CRACDL: variants seen among roughly 807,000 people sequenced by gnomAD.
CRACDL encodes the protein CRACD-like protein.
In CRACDL, 26 loss-of-function variants were observed where a neutral mutation model predicts 70.6. The observed-to-expected ratio is 0.37, with a 90% CI of 0.27 to 0.51. The LOEUF is 0.51. CRACDL is among the 20% of genes least tolerant of loss of function. The pLI is 0.94. For synonymous variants in CRACDL, 618 were observed against 615.2 expected (o/e 1.00, Z -0.07); for missense variants, 1,283 against 1,376.9 (o/e 0.93, Z 1.08).
At chr2:98,849,387 G>A (rs561012478) in intron 1 of CRACDL, among the ~76,000 whole-genome samples, 87 of 152,338 alleles carry the variant, frequency 5.7e-4, no homozygotes, top group Non-Finnish European at 1.1e-3. Context: ...GAAGAACAAG[G>A]TGAGTGCCAG....
chr2:98,854,359 T>C (rs1559235740), intron 1 of CRACDL, among the ~76,000 whole-genome samples: 1 of 136,624 alleles, frequency 7.3e-6, no homozygotes, highest in African/African-American at 2.7e-5. Flanking sequence ...AAATATTAAA[T>C]AAAAAATATA....
intron 7 of CRACDL, among the ~76,000 whole-genome samples, chr2:98,817,197 G>A (rs1396314748): frequency 2.0e-5 from 3 of 152,156 alleles, no homozygotes; most frequent in African/African-American, 7.2e-5. Flanking sequence ...GAGGAGCTGG[G>A]CGGGGGAGAG....
chr2:98,904,764 A>G (rs1233375053), intron 1 of CRACDL, among the ~76,000 whole-genome samples: 1 of 152,184 alleles, frequency 6.6e-6, no homozygotes, highest in African/African-American at 2.4e-5. Flanking sequence ...TTCCTTTTTA[A>G]AACAATCATG....
At chr2:98,801,700 G>T (rs1704083886) in intron 7 of CRACDL, among the ~76,000 whole-genome samples, 2 of 152,138 alleles carry the variant, frequency 1.3e-5, no homozygotes, top group Admixed American at 6.5e-5. Flanking sequence ...GTGAAGATTG[G>T]GTGAAATATC....
chr2:98,795,041 A>ATATATAAAAATT (rs1491320834), intron 9 of CRACDL, among the ~76,000 whole-genome samples: 357 of 7,368 alleles, frequency 0.048, 74 homozygotes, highest in South Asian at 0.088. Context: ...ATAATTAAAA[A>ATATATAAAAATT]TATATATATA....
At chr2:98,874,452 G>A (rs963660413) in intron 1 of CRACDL, among the ~76,000 whole-genome samples, 1 of 152,220 alleles carries the variant, frequency 6.6e-6, no homozygotes, top group Non-Finnish European at 1.5e-5. Context: ...AGGAGGCTCC[G>A]CACGGGCTGC....
intron 1 of CRACDL, among the ~76,000 whole-genome samples, chr2:98,887,699 T>G (rs1291897426): frequency 6.6e-6 from 1 of 152,120 alleles, no homozygotes; most frequent in East Asian, 1.9e-4. Flanking sequence ...GATCGACACC[T>G]AGACATATCA....
intron 1 of CRACDL, among the ~76,000 whole-genome samples, chr2:98,884,601 T>C (rs551363749): frequency 6.6e-6 from 1 of 152,146 alleles, no homozygotes; most frequent in African/African-American, 2.4e-5. Flanking sequence ...TAATCCCCAG[T>C]GCAATGGTAT....
intron 9 of CRACDL, 77 bp downstream of exon 9, chr2:98,796,043 C>G: frequency 6.7e-7 from 1 of 1,498,076 alleles, no homozygotes; most frequent in Non-Finnish European, 9.3e-7. Context: ...AAAACCAAAC[C>G]AAACCAAAAC....
chr2:98,822,248 C>A lies in CRACDL; in HGVS notation c.2025G>T (p.Pro675=). ...EPCPAAQEPA[P]SEDRNPFPVK... ...CGGGGAAGGGGTTTCTGTCCTCACTCGGGGCCGGCTCCTGGGCGGCTGGGC... is the reference window on the plus strand; with the variant it reads ...CGGGGAAGGGGTTTCTGTCCTCACTAGGGGCCGGCTCCTGGGCGGCTGGGC... The change falls in exon 7 of 10, where the codon CCG becomes CCT. Residue 675 remains proline, a synonymous_variant. Transcript: ENST00000397899. The surrounding 1 kb of genome is among the most constrained non-coding windows in gnomAD (Gnocchi z 4.9). 2 of 1,598,698 alleles carry A rather than the reference C, an allele frequency of 1.3e-6. No individual in the cohort carries two copies. Among genetic ancestry groups the A allele is most frequent in the East Asian group, 2.2e-5 (1 of 44,496 alleles).
chr2:98,908,532 G>A (rs1431589036), intron 1 of CRACDL: 1 of 152,284 alleles, frequency 6.6e-6, no homozygotes, highest in African/African-American at 2.4e-5. Context: ...CCAACAGCTT[G>A]GAAGTGAACA....
intron 3 of CRACDL, among the ~76,000 whole-genome samples, chr2:98,834,123 C>G (rs193301796): frequency 7.1e-4 from 108 of 152,350 alleles, no homozygotes; most frequent in African/African-American, 2.5e-3. Flanking sequence ...CACACACACA[C>G]TTGGATATCC....
intron 1 of CRACDL, among the ~76,000 whole-genome samples, chr2:98,888,852 G>A (rs186378392): frequency 5.9e-5 from 9 of 152,234 alleles, no homozygotes; most frequent in East Asian, 5.8e-4. Context: ...TAACCAAGCC[G>A]GGCGCAGTGG....
intron 1 of CRACDL, among the ~76,000 whole-genome samples, chr2:98,900,185 T>C (rs145109410): frequency 0.14 from 3,471 of 24,294 alleles, no homozygotes; most frequent in Admixed American, 0.23. Flanking sequence ...AGAGGCTCAG[T>C]AGGAGGGGAG....
chr2:98,862,744 G>GA (rs987400449), intron 1 of CRACDL, among the ~76,000 whole-genome samples: 21 of 151,906 alleles, frequency 1.4e-4, no homozygotes, highest in African/African-American at 5.1e-4. Flanking sequence ...CTAAGGAACA[G>GA]AAAAAAAGAT....
chr2:98,830,187 C>T (rs1705481370), intron 5 of CRACDL, among the ~76,000 whole-genome samples: 1 of 152,216 alleles, frequency 6.6e-6, no homozygotes, highest in Non-Finnish European at 1.5e-5. Context: ...TCTTAAAAAC[C>T]ACCAGGTAAA....
intron 7 of CRACDL, among the ~76,000 whole-genome samples, chr2:98,821,139 C>A (rs1202941855): frequency 6.6e-6 from 1 of 152,178 alleles, no homozygotes; most frequent in Non-Finnish European, 1.5e-5. Context: ...TGTACTTATG[C>A]AAAATCCTGG....
At chr2:98,912,431 C>G (rs1708566905) in intron 1 of CRACDL, among the ~76,000 whole-genome samples, 1 of 152,214 alleles carries the variant, frequency 6.6e-6, no homozygotes, top group Non-Finnish European at 1.5e-5. Flanking sequence ...CATGACCTGG[C>G]CACACCCATG....
intron 1 of CRACDL, among the ~76,000 whole-genome samples, chr2:98,891,221 A>T (rs1419679933): frequency 6.6e-6 from 1 of 151,460 alleles, no homozygotes; most frequent in Non-Finnish European, 1.5e-5. Flanking sequence ...TACTAAAAAT[A>T]AAAAAATTAG....
Sources: gnomAD v4.1 joint callset for allele counts (sites outside exome capture counted in the v4.1 genomes callset) on GRCh38, gnomAD v4.1.1 for gene constraint, Gnocchi (gnomAD v3.1) non-coding constraint, MANE v1.5 for transcripts, NCBI Gene and HGNC (gene_info 2026-07-23, HGNC 2026-07-21) for gene names.